Variants in MTX2 observed in about 807,000 individuals in gnomAD.
MTX2 encodes the protein metaxin-2.
Under a neutral mutation model 42.3 loss-of-function variants are expected in MTX2, and 35 were observed. That is an observed-to-expected ratio of 0.83 (90% CI 0.63 to 1.10). The LOEUF is 1.10. MTX2 is among the 50% of genes least tolerant of loss of function. MTX2 has a pLI of 0.00. For missense variants in MTX2, 307 were observed against 304.1 expected (o/e 1.01, Z -0.07); for synonymous variants, 119 against 100.9 (o/e 1.18, Z -1.08).
intron 1 of MTX2, among the ~76,000 whole-genome samples, chr2:176,285,649 T>C (rs73036838): frequency 1.3e-5 from 2 of 151,776 alleles, no homozygotes; most frequent in African/African-American, 4.8e-5. Context: ...TTTTTTTTTT[T>C]ATTGGGCATA....
intron 3 of MTX2, among the ~76,000 whole-genome samples, chr2:176,316,543 A>T (rs1684444502): frequency 1.3e-5 from 2 of 152,062 alleles, no homozygotes; most frequent in South Asian, 4.2e-4. Context: ...CTGGGACTAC[A>T]GGCACACACC....
chr2:176,286,536 TACTC>T (rs893610723), intron 1 of MTX2, among the ~76,000 whole-genome samples: 4 of 151,996 alleles, frequency 2.6e-5, no homozygotes, highest in African/African-American at 9.7e-5. Context: ...CATTCATTAT[TACTC>T]ACTCTGAGTC....
intron 3 of MTX2, among the ~76,000 whole-genome samples, chr2:176,314,358 G>T (rs1014523283): frequency 6.6e-6 from 1 of 151,792 alleles, no homozygotes; most frequent in African/African-American, 2.4e-5. Context: ...AATTGCTTGA[G>T]CCTGGGAGGC....
At chr2:176,291,223 T>G (rs982668697) in intron 1 of MTX2, among the ~76,000 whole-genome samples, 2 of 152,168 alleles carry the variant, frequency 1.3e-5, no homozygotes, top group African/African-American at 4.8e-5. Context: ...TTGAGTTGTG[T>G]TGTTGGTTAT....
chr2:176,302,760 C>A (rs1194707452), intron 3 of MTX2, among the ~76,000 whole-genome samples: 2 of 152,050 alleles, frequency 1.3e-5, no homozygotes, highest in African/African-American at 2.4e-5. Context: ...TTTTATAGGC[C>A]CCATTAATGC....
At chr2:176,327,222 T>C (rs555606166) in intron 5 of MTX2, among the ~76,000 whole-genome samples, 3 of 151,388 alleles carry the variant, frequency 2.0e-5, no homozygotes, top group African/African-American at 7.2e-5. Flanking sequence ...TGAAAAACTA[T>C]TAGGTTTTGA....
intron 7 of MTX2, 144 bp from the exon 8 acceptor site, chr2:176,329,157 A>T: frequency 3.7e-6 from 4 of 1,068,070 alleles, no homozygotes; most frequent in Non-Finnish European, 2.6e-6. Flanking sequence ...TAAAATTTTA[A>T]TTTTTTAGAT....
chr2:176,275,884 G>A (rs1334873983), intron 1 of MTX2, among the ~76,000 whole-genome samples: 1 of 152,196 alleles, frequency 6.6e-6, no homozygotes, highest in Non-Finnish European at 1.5e-5. Context: ...GGAGAGAGGT[G>A]TTGAGCACTA....
intron 3 of MTX2, among the ~76,000 whole-genome samples, chr2:176,320,133 TA>T (rs1684543467): frequency 1.3e-5 from 2 of 151,886 alleles, no homozygotes; most frequent in East Asian, 3.9e-4. Context: ...TTAGTTTTTA[TA>T]AAAAAATAAA....
intron 1 of MTX2, among the ~76,000 whole-genome samples, chr2:176,275,635 A>T (rs7589276): frequency 1.3e-5 from 2 of 152,074 alleles, no homozygotes; most frequent in Admixed American, 1.3e-4. Context: ...TTTTTAATGG[A>T]GAGATTTTTC....
At chr2:176,330,711 AATTTCTTTTTTT>A in intron 9 of MTX2, 51 bp downstream of exon 9, 1 of 1,264,462 alleles carries the variant, frequency 7.9e-7, no homozygotes, top group East Asian at 2.3e-5. Flanking sequence ...TTAGGTTGCA[AATTTCTTTTTTT>A]CATAAAAGAA....
chr2:176,300,126 C>T (rs1683986135), intron 3 of MTX2, among the ~76,000 whole-genome samples: 1 of 143,734 alleles, frequency 7.0e-6, no homozygotes, highest in Admixed American at 7.1e-5. Context: ...TACACACATG[C>T]ACACACTAGA....
At chr2:176,284,956 A>G (rs115917748) in intron 1 of MTX2, among the ~76,000 whole-genome samples, 21 of 152,358 alleles carry the variant, frequency 1.4e-4, no homozygotes, top group African/African-American at 5.0e-4. Flanking sequence ...AGTTTAGGAA[A>G]TACATAACTT....
intron 3 of MTX2, among the ~76,000 whole-genome samples, chr2:176,316,790 A>G (rs1684452590): frequency 1.3e-5 from 2 of 152,144 alleles, no homozygotes; most frequent in African/African-American, 4.8e-5. Context: ...ATAGGTATCA[A>G]ACTATTGATT....
intron 1 of MTX2, among the ~76,000 whole-genome samples, chr2:176,277,866 C>A (rs1692984584): frequency 6.6e-6 from 1 of 151,756 alleles, no homozygotes; most frequent in Admixed American, 6.6e-5. Context: ...TATGAATAAT[C>A]TTACACAGTT....
intron 3 of MTX2, among the ~76,000 whole-genome samples, chr2:176,312,670 C>G (rs936387527): frequency 1.3e-5 from 2 of 151,758 alleles, no homozygotes; most frequent in Admixed American, 6.6e-5. Flanking sequence ...TTGAGACCAG[C>G]CTGTCCAACA....
intron 1 of MTX2, among the ~76,000 whole-genome samples, chr2:176,291,340 C>T (rs1026568507): frequency 2.6e-5 from 4 of 152,098 alleles, no homozygotes; most frequent in East Asian, 3.9e-4. Context: ...AGAGTAATAA[C>T]AACAATGATG....
chr2:176,329,628 T>TA (rs1264549083), intron 8 of MTX2, among the ~76,000 whole-genome samples: 3 of 151,192 alleles, frequency 2.0e-5, no homozygotes, highest in Non-Finnish European at 4.5e-5. Context: ...CAGATATGTG[T>TA]AAAAAAGCAA....
At chr2:176,310,333 A>C (rs1459021945) in intron 3 of MTX2, among the ~76,000 whole-genome samples, 2 of 152,136 alleles carry the variant, frequency 1.3e-5, no homozygotes, top group Non-Finnish European at 2.9e-5. Context: ...GCTGCCCTTA[A>C]CATCTTTTCC....
Sources: gnomAD v4.1 joint callset for allele counts (sites outside exome capture counted in the v4.1 genomes callset) on GRCh38, gnomAD v4.1.1 for gene constraint, MANE v1.5 for transcripts, NCBI Gene and HGNC (gene_info 2026-07-23, HGNC 2026-07-21) for gene names.